The following CNKSR2 variants were observed in gnomAD, a reference collection of about 807,000 sequenced individuals.
The protein encoded by CNKSR2 is connector enhancer of kinase suppressor of Ras 2, also known as CNK homolog protein 2.
Under a neutral mutation model 84.4 loss-of-function variants are expected in CNKSR2, and 14 were observed. The observed-to-expected ratio is 0.17, with a 90% CI of 0.11 to 0.26. The LOEUF is 0.26. Ranked by LOEUF, CNKSR2 falls within the 10% of genes least tolerant of loss-of-function variation. The pLI is 1.00. For synonymous variants in CNKSR2, 275 were observed against 277.9 expected, an observed-to-expected ratio of 0.99 and a Z score of 0.10; for missense variants, 485 against 771.2, an observed-to-expected ratio of 0.63 and a Z score of 4.40.
intron 13 of CNKSR2, among the ~76,000 whole-genome samples, chrX:21,565,478 A>G (rs887956449): frequency 1.8e-5 from 2 of 111,817 alleles, no homozygotes; most frequent in African/African-American, 3.2e-5. Context: ...ATTTATTCTA[A>G]GAAAGAAATC....
chrX:21,443,832 T>C (rs2090817094), intron 4 of CNKSR2, among the ~76,000 whole-genome samples: 1 of 111,686 alleles, frequency 9.0e-6, no homozygotes. Flanking sequence ...AAATATTCTT[T>C]AAACATCAGT....
intron 13 of CNKSR2, among the ~76,000 whole-genome samples, chrX:21,579,089 A>C (rs1211043586): frequency 2.7e-5 from 3 of 112,244 alleles, no homozygotes; most frequent in Non-Finnish European, 5.6e-5. Flanking sequence ...CCAACAGAAA[A>C]GTAAAACAAT....
chrX:21,468,995 C>A (rs746944242), intron 4 of CNKSR2, among the ~76,000 whole-genome samples: 54 of 111,875 alleles, frequency 4.8e-4, no homozygotes, highest in Middle Eastern at 9.2e-3. Context: ...TTTAACAGTT[C>A]TTTTTGTTGG....
intron 4 of CNKSR2, among the ~76,000 whole-genome samples, chrX:21,446,156 T>A (rs776857605): frequency 1.8e-5 from 2 of 111,566 alleles, no homozygotes; most frequent in Non-Finnish European, 3.8e-5. Context: ...TTTACTTTAA[T>A]TATAAAGAAG....
intron 11 of CNKSR2, chrX:21,537,791 T>G (rs1262899314): frequency 2.7e-5 from 3 of 109,493 alleles, no homozygotes; most frequent in African/African-American, 6.6e-5. Flanking sequence ...GTCTTGTTTT[T>G]TTTTTTTTTT....
chrX:21,649,745 G>A (rs992986806), intron 21 of CNKSR2, among the ~76,000 whole-genome samples: 5 of 111,126 alleles, frequency 4.5e-5, no homozygotes, highest in African/African-American at 1.6e-4. Flanking sequence ...AGGGCCCACC[G>A]CACAAGCCAC....
At chrX:21,452,857 G>A (rs1207220078) in intron 4 of CNKSR2, among the ~76,000 whole-genome samples, 1 of 100,566 alleles carries the variant, frequency 9.9e-6, no homozygotes, top group Non-Finnish European at 2.0e-5. Flanking sequence ...TAAGGCTTTT[G>A]AACTACATTT....
intron 8 of CNKSR2, among the ~76,000 whole-genome samples, chrX:21,509,977 T>A (rs1345071792): frequency 9.0e-6 from 1 of 111,723 alleles, no homozygotes; most frequent in Non-Finnish European, 1.9e-5. Flanking sequence ...TTATAATAAA[T>A]ATGTCAGCAC....
At position 21,591,049 on chromosome X, in the gene CNKSR2, G is replaced by A. The variant is rs2092417476; in HGVS notation, c.1685G>A (p.Arg562Gln). ...CCTATAGCAGGCAAGAGCAAAAGAC[G>A]AATTTCTTGCAAAGATCTTGGCCGT... ...KGPIAGKSKRRISCKDLGRGD... is the reference protein window; with the variant it reads ...KGPIAGKSKRQISCKDLGRGD... The change falls in exon 15 of 22, where the codon CGA (arginine) becomes CAA (glutamine). Residue 562 changes from arginine to glutamine, a missense_variant. Physicochemically the swap from Arg to Gln is conservative, Grantham distance 43. This residue lies in a region of CNKSR2 where 30 missense variants were observed against 78.9 expected (regional missense o/e 0.38). Coordinates refer to ENST00000379510, the MANE Select transcript of CNKSR2 (RefSeq NM_014927.5). 1 of 1,209,024 alleles carries A rather than the reference G, an allele frequency of 8.3e-7. No individual in the cohort carries two copies. Among genetic ancestry groups the A allele is most frequent in the Non-Finnish European group, 1.1e-6 (1 of 894,104 alleles).
At chrX:21,632,835 A>G (rs1226526949) in intron 20 of CNKSR2, among the ~76,000 whole-genome samples, 1 of 112,069 alleles carries the variant, frequency 8.9e-6, no homozygotes, top group African/African-American at 3.2e-5. Flanking sequence ...AATGTAATTT[A>G]TCACTACAAA....
intron 1 of CNKSR2, among the ~76,000 whole-genome samples, chrX:21,416,803 T>C (rs763426935): frequency 9.0e-5 from 10 of 111,050 alleles, no homozygotes; most frequent in Non-Finnish European, 5.7e-5. Flanking sequence ...TCTGATTTTA[T>C]TTATTTGGGT....
chrX:21,504,988 C>G (rs2091597983), intron 8 of CNKSR2: 3 of 279,571 alleles, frequency 1.1e-5, no homozygotes. Context: ...CACTACATCC[C>G]TCTCTCTGGG....
At chrX:21,419,530 T>A (rs760164711) in intron 1 of CNKSR2, among the ~76,000 whole-genome samples, 1 of 111,345 alleles carries the variant, frequency 9.0e-6, no homozygotes, top group Non-Finnish European at 1.9e-5. Flanking sequence ...GACTTGTTTG[T>A]ACCCATCCTT....
At chrX:21,586,999 C>A (rs1235821046) in intron 13 of CNKSR2, among the ~76,000 whole-genome samples, 4 of 111,628 alleles carry the variant, frequency 3.6e-5, no homozygotes, top group African/African-American at 1.3e-4. Flanking sequence ...ATAACACTTT[C>A]AATACAACAC....
chrX:21,502,072 A>T (rs949632851), intron 8 of CNKSR2, among the ~76,000 whole-genome samples: 9 of 106,438 alleles, frequency 8.5e-5, no homozygotes, highest in Non-Finnish European at 1.2e-4. Flanking sequence ...TGAAAATTTT[A>T]AAATTTTTAA....
intron 8 of CNKSR2, among the ~76,000 whole-genome samples, chrX:21,511,360 TA>T (rs920917592): frequency 5.1e-4 from 57 of 111,481 alleles, no homozygotes; most frequent in African/African-American, 1.7e-3. Context: ...ATATTACATA[TA>T]AAAAATATTT....
Position 21,526,935 on chromosome X carries a change from A to C in CNKSR2, c.1026A>C (p.Lys342Asn). The C allele has an allele frequency of 8.3e-7, 1 of 1,204,928 alleles. No individual in the cohort carries two copies. Among genetic ancestry groups the C allele is most frequent in the Non-Finnish European group, 1.1e-6 (1 of 890,173 alleles). ...CCAGCACCATCAGTACACCCACCAA[A>C]AGAGACAGTTCTGCCCTCCAGGATC... is the stretch of plus-strand genomic sequence containing the variant. ...TPSSTISTPT[K>N]RDSSALQDLY... The change falls in exon 10 of 22, where the codon AAA (lysine) becomes AAC (asparagine). Residue 342 changes from lysine to asparagine, a missense_variant. Around this residue, in one of 5 missense-constraint regions of CNKSR2, gnomAD observed 132 missense variants for 166.7 expected, o/e 0.79. Transcript: ENST00000379510.
Position 21,609,220 on chromosome X carries a change from C to G in CNKSR2, c.2295C>G (p.Arg765=). The G allele has an allele frequency of 8.3e-7, 1 of 1,211,296 alleles. No homozygotes were observed. The highest frequency in any genetic ancestry group is 1.1e-6 in the Non-Finnish European group (1 of 895,263). ...VSPIRKTASQ[R]RSWQDLIETP... ...CCATTCGCAAGACAGCCAGTCAGCG[C>G]CGCTCCTGGCAGGATTTAATTGAGA... Residue 765 remains arginine, a synonymous_variant, in exon 20 of 22, where the codon CGC becomes CGG. Transcript: ENST00000379510.
intron 8 of CNKSR2, among the ~76,000 whole-genome samples, chrX:21,511,291 A>G (rs1389942656): frequency 9.0e-6 from 1 of 111,498 alleles, no homozygotes; most frequent in Non-Finnish European, 1.9e-5. Context: ...CTTTAGTATC[A>G]AGTATTTTAC....
Sources: allele counts gnomAD v4.1 joint callset (sites outside exome capture counted in the v4.1 genomes callset), GRCh38; gene constraint gnomAD v4.1.1; regional missense constraint gnomAD v4.1.1; transcripts MANE v1.5; gene names NCBI Gene and HGNC (gene_info 2026-07-23, HGNC 2026-07-21).